RBPJ: variants seen among roughly 807,000 people sequenced by gnomAD.
The protein encoded by RBPJ is recombination signal binding protein for immunoglobulin kappa J region.
A neutral mutation model predicts 67.8 loss-of-function variants in RBPJ; 9 were observed. That is an observed-to-expected ratio of 0.13 (90% CI 0.08 to 0.23). The LOEUF (loss-of-function observed/expected upper bound fraction) is 0.23. Among genes scored for constraint, RBPJ ranks in the 10% least tolerant of loss-of-function variants. The pLI is 1.00. For synonymous variants in RBPJ, 198 were observed against 203.3 expected, an observed-to-expected ratio of 0.97 and a Z score of 0.22; for missense variants, 305 against 595.6, an observed-to-expected ratio of 0.51 and a Z score of 5.08.
At chr4:26,418,178 G>A (rs1734776180) in intron 4 of RBPJ, among the ~76,000 whole-genome samples, 1 of 152,080 alleles carries the variant, frequency 6.6e-6, no homozygotes, top group Non-Finnish European at 1.5e-5. Flanking sequence ...TTCTTTCAGG[G>A]AAATGTCTTT....
chr4:26,245,758 G>A (rs1377779360), intron 1 of RBPJ, among the ~76,000 whole-genome samples: 1 of 152,120 alleles, frequency 6.6e-6, no homozygotes, highest in Non-Finnish European at 1.5e-5. Context: ...TGACGTAGGG[G>A]TCCAACTTCA....
intron 1 of RBPJ, among the ~76,000 whole-genome samples, chr4:26,375,408 A>G (rs1004560624): frequency 6.6e-6 from 1 of 151,982 alleles, no homozygotes; most frequent in African/African-American, 2.4e-5. Context: ...ATGGATAGGG[A>G]CAGTGTTTCT....
intron 1 of RBPJ, among the ~76,000 whole-genome samples, chr4:26,379,661 T>A (rs542384254): frequency 7.2e-5 from 11 of 151,998 alleles, no homozygotes; most frequent in Admixed American, 5.2e-4. Flanking sequence ...CCTCGACACA[T>A]GGGGATTATG....
At chr4:26,429,001 A>G in intron 8 of RBPJ, 141 bp downstream of exon 8, 1 of 636,280 alleles carries the variant, frequency 1.6e-6, no homozygotes, top group African/African-American at 1.8e-5. Flanking sequence ...AGGTATGAGC[A>G]TCCTTAACAC....
chr4:26,287,707 AAGAG>A lies in RBPJ; in HGVS notation c.-166-74737_-166-74734del, dbSNP rs567853879. ...AGGAAGGAAAGGAGGGAAGAAAAGA[AAGAG>A]AAAGAAAGAAGAAAACGAGAAAGGG... On this transcript the variant is annotated intron_variant, in intron 1 of 4. Transcript: ENST00000512351. Among the ~76,000 whole-genome samples the A allele has an allele frequency of 4.7e-4, 43 of 92,352 alleles. No homozygotes were observed. In the East Asian group the frequency reaches 0.01, roughly 22 times the overall value. The allele number at this position is 92,352 out of a possible 152,430, so 60.6% of individuals were successfully genotyped here. A position where few individuals can be genotyped will look rare whatever the true frequency, so the allele number is the denominator to read the frequency against.
intron 1 of RBPJ, among the ~76,000 whole-genome samples, chr4:26,268,766 G>A (rs1025968035): frequency 1.3e-5 from 2 of 152,100 alleles, no homozygotes; most frequent in African/African-American, 2.4e-5. Flanking sequence ...GCAGAGGCGG[G>A]AGGAAGGGGT....
chr4:26,199,575 T>A (rs559003293), intron 1 of RBPJ, among the ~76,000 whole-genome samples: 6 of 151,986 alleles, frequency 3.9e-5, no homozygotes, highest in African/African-American at 1.4e-4. Flanking sequence ...GAGCCTGGAG[T>A]GGCTGGGGAG....
At chr4:26,402,510 G>T (rs182028980) in intron 2 of RBPJ, among the ~76,000 whole-genome samples, 1 of 152,174 alleles carries the variant, frequency 6.6e-6, no homozygotes, top group Non-Finnish European at 1.5e-5. Context: ...ATAAAATAGA[G>T]ACTTTCATAC....
intron 1 of RBPJ, among the ~76,000 whole-genome samples, chr4:26,297,534 T>C (rs1338426073): frequency 2.0e-5 from 3 of 152,102 alleles, no homozygotes; most frequent in African/African-American, 4.8e-5. Flanking sequence ...TCATTACCTG[T>C]TACCTTTTTT....
At chr4:26,106,104 G>C in the RBPJ span, among the ~76,000 whole-genome samples, 1 of 152,194 alleles carries the variant, frequency 6.6e-6, no homozygotes, top group Admixed American at 6.5e-5. Flanking sequence ...AATCTATTTA[G>C]AGAAGGGGAT....
chr4:26,271,659 C>G (rs1009932627), intron 1 of RBPJ, among the ~76,000 whole-genome samples: 2 of 152,042 alleles, frequency 1.3e-5, no homozygotes, highest in African/African-American at 4.8e-5. Flanking sequence ...TATGCTATGT[C>G]CCAGGTGTCC....
intron 1 of RBPJ, among the ~76,000 whole-genome samples, chr4:26,214,577 G>A (rs1718567870): frequency 7.8e-6 from 1 of 127,544 alleles, no homozygotes; most frequent in South Asian, 2.6e-4. Flanking sequence ...AAGAGAAAAA[G>A]AAAGAAAGGA....
chr4:26,331,245 C>T (rs901190101), intron 1 of RBPJ, among the ~76,000 whole-genome samples: 9 of 152,114 alleles, frequency 5.9e-5, no homozygotes, highest in African/African-American at 1.9e-4. Flanking sequence ...ACTAGGTGCA[C>T]GCCACCATGC....
At chr4:26,150,926 A>T in the RBPJ span, among the ~76,000 whole-genome samples, 1 of 152,198 alleles carries the variant, frequency 6.6e-6, no homozygotes, top group Non-Finnish European at 1.5e-5. Context: ...GCCCTCCAAG[A>T]TGTAAAGATG....
At chr4:26,139,114 G>A in the RBPJ span, among the ~76,000 whole-genome samples, 1 of 151,048 alleles carries the variant, frequency 6.6e-6, no homozygotes, top group Non-Finnish European at 1.5e-5. Flanking sequence ...AGACAGCCCT[G>A]CCCAAGGCAT....
intron 1 of RBPJ, among the ~76,000 whole-genome samples, chr4:26,246,031 TTA>T (rs1212631452): frequency 6.6e-6 from 1 of 152,212 alleles, no homozygotes; most frequent in Non-Finnish European, 1.5e-5. Context: ...TAAAAGATTG[TTA>T]TAGTTATTCT....
intron 1 of RBPJ, among the ~76,000 whole-genome samples, chr4:26,200,484 C>A (rs1221295165): frequency 6.6e-6 from 1 of 152,032 alleles, no homozygotes; most frequent in East Asian, 1.9e-4. Context: ...GCCTAGGTAA[C>A]ATAGGGATAC....
At chr4:26,136,639 C>T in the RBPJ span, among the ~76,000 whole-genome samples, 2 of 152,190 alleles carry the variant, frequency 1.3e-5, no homozygotes, top group Admixed American at 1.3e-4. Context: ...AGATTACTTA[C>T]ACAGAAAAGA....
intron 1 of RBPJ, among the ~76,000 whole-genome samples, chr4:26,336,206 G>A (rs985628249): frequency 6.6e-5 from 10 of 152,174 alleles, no homozygotes; most frequent in Admixed American, 6.5e-4. Context: ...AGCTCCCAGA[G>A]ATATGCATGC....
Sources: gnomAD v4.1 joint callset for allele counts (sites outside exome capture counted in the v4.1 genomes callset) on GRCh38, gnomAD v4.1.1 for gene constraint, MANE v1.5 for transcripts, NCBI Gene and HGNC (gene_info 2026-07-23, HGNC 2026-07-21) for gene names.